C1orf167: variants seen among roughly 807,000 people sequenced by gnomAD.
C1orf167 encodes chromosome 1 open reading frame 167.
Under a neutral mutation model 176.5 loss-of-function variants are expected in C1orf167, and 153 were observed. That is an observed-to-expected ratio of 0.87 (90% CI 0.76 to 0.99). The LOEUF (loss-of-function observed/expected upper bound fraction) is 0.99. Among genes scored for constraint, C1orf167 ranks in the 50% least tolerant of loss-of-function variants. The pLI, the probability that C1orf167 is intolerant of heterozygous loss-of-function variation, is 0.00. For missense variants in C1orf167, 1,490 were observed against 1,817.7 expected, an observed-to-expected ratio of 0.82 and a Z score of 3.28; for synonymous variants, 594 against 752.7, an observed-to-expected ratio of 0.79 and a Z score of 3.45.
At chr1:11,765,292 T>A (rs1642735092) in intron 2 of C1orf167, among the ~76,000 whole-genome samples, 1 of 151,934 alleles carries the variant, frequency 6.6e-6, no homozygotes, top group South Asian at 2.1e-4. Context: ...CGGTACCTCA[T>A]CCATCCCCAC....
At chr1:11,775,336 GC>G (rs1231966277) in intron 8 of C1orf167, 98 bp from the exon 9 acceptor site, 1 of 934,242 alleles carries the variant, frequency 1.1e-6, no homozygotes, top group Non-Finnish European at 1.4e-6. Context: ...GAAGTGGCTT[GC>G]CCAAGGCCTG....
In C1orf167 at chr1:11,768,608, C is replaced by T. The variant is rs1642912567; in HGVS notation, c.1542+333C>T. Among the ~76,000 whole-genome samples the T allele has an allele frequency of 6.6e-6, 1 of 152,158 alleles. No individual in the cohort carries two copies. Among genetic ancestry groups the T allele is most frequent in the Admixed American group, 6.5e-5 (1 of 15,274 alleles). On this transcript the variant is annotated intron_variant, in intron 5 of 20. Coordinates refer to ENST00000688073, the MANE Select transcript of C1orf167 (RefSeq NM_001010881.2). The surrounding 1 kb of genome is among the most constrained non-coding windows in gnomAD (Gnocchi z 4.5). The stretch of plus-strand genomic sequence containing the variant: ...GATTAAATTAATAAGGGACTCAGAA[C>T]TCTGCCTAGCATATAGCAAGCTAGT...
At position 11,767,061 on chromosome 1, in the gene C1orf167, A is replaced by G. The variant is rs1251483621; in HGVS notation, c.1275A>G (p.Thr425=). ...GGACAGCTTTCCATCTGTCAGACAC[A>G]GTCCCAGCGAGCAGTGCGTCGAAGG... ...EERTAFHLSD[T]VPASSASKNK... Residue 425 remains threonine (T), a synonymous_variant, in exon 3 of 21, where the codon ACA becomes ACG. Transcript: ENST00000688073. The G allele has an allele frequency of 1.5e-5, 19 of 1,229,316 alleles. No individual in the cohort carries two copies. Among genetic ancestry groups the G allele is most frequent in the Non-Finnish European group, 1.9e-5 (18 of 957,142 alleles). 76.2% of individuals were successfully genotyped at this position (1,229,316 alleles called of 1,614,324 possible).
rs1643957214 is a variant in C1orf167 at position 11,788,289 on chromosome 1, C to T, written c.3989C>T (p.Ala1330Val). The T allele has an allele frequency of 7.7e-7, 1 of 1,303,700 alleles. No homozygotes were observed. The allele number at this position is 1,303,700 out of a possible 1,614,324, so 80.8% of individuals were successfully genotyped here. Residue 1330 changes from alanine to valine, a missense_variant, in exon 19 of 21, where the codon GCT becomes GTT. Coordinates refer to ENST00000688073, the MANE Select transcript of C1orf167 (RefSeq NM_001010881.2). ...GTGCCTCGAGGCACTGCTTCACGGG[C>T]TGCGGGGTTCCCAGCAGGCCAGGTG... ...APVPRGTASR[A>V]AGFPAGQVPG...
At chr1:11,787,624 A>C in intron 17 of C1orf167, 131 bp downstream of exon 17, 1 of 804,358 alleles carries the variant, frequency 1.2e-6, no homozygotes, top group Non-Finnish European at 1.7e-6. Flanking sequence ...CTCCCCATCC[A>C]TTCCCTCTTC....
intron 8 of C1orf167, among the ~76,000 whole-genome samples, chr1:11,772,986 C>G (rs1264359266): frequency 4.0e-5 from 6 of 150,136 alleles, no homozygotes; most frequent in Non-Finnish European, 7.4e-5. Context: ...GCAACCTCCA[C>G]CTCCTGGGCT....
chr1:11,765,432 C>T (rs1241448440), intron 2 of C1orf167, among the ~76,000 whole-genome samples: 6 of 152,142 alleles, frequency 3.9e-5, no homozygotes, highest in Admixed American at 3.9e-4. Context: ...GCCCACTGCC[C>T]CCACCACCTC....
At chr1:11,780,710 C>CAG (rs1043643935) in intron 13 of C1orf167, among the ~76,000 whole-genome samples, 7 of 152,244 alleles carry the variant, frequency 4.6e-5, no homozygotes, top group Admixed American at 1.3e-4. Context: ...GAGAAGTGGG[C>CAG]AGAGTCATGG....
chr1:11,773,601 G>A (rs536193801), intron 8 of C1orf167, among the ~76,000 whole-genome samples: 9 of 152,118 alleles, frequency 5.9e-5, no homozygotes, highest in African/African-American at 1.9e-4. Context: ...CCAGCTACTC[G>A]GGAAGCTGAG....
chr1:11,775,705 G>A, intron 9 of C1orf167, 95 bp downstream of exon 9: 1 of 1,227,624 alleles, frequency 8.1e-7, no homozygotes, highest in Non-Finnish European at 1.1e-6. Context: ...TGTGGGAGGT[G>A]ATAGAACTGG....
exon 21 of C1orf167, chr1:11,789,580 GTCCTAGCTGCTGCTTTCAGTCTC>G (rs996629722): frequency 1.8e-5 from 15 of 818,790 alleles, no homozygotes; most frequent in African/African-American, 2.2e-4. Context: ...CCACTCCTCA[GTCCTAGCTGCTGCTTTCAGTCTC>G]TCCTAGCGGC....
chr1:11,762,431 G>C (rs1642553873), intron 1 of C1orf167, among the ~76,000 whole-genome samples, 126 bp downstream of exon 1: 1 of 152,190 alleles, frequency 6.6e-6, no homozygotes, highest in Non-Finnish European at 1.5e-5. Context: ...GTCTGAGGGA[G>C]ACGGACGAGG....
rs538119129 is a variant in C1orf167 at position 11,766,133 on chromosome 1, G to A, written c.347G>A (p.Arg116Gln). The change falls in exon 3 of 21, where the codon CGA (arginine) becomes CAA (glutamine). Residue 116 changes from arginine (R) to glutamine (Q), a missense_variant. Coordinates refer to ENST00000688073, the MANE Select transcript of C1orf167 (RefSeq NM_001010881.2). The surrounding 1 kb of genome is among the most constrained non-coding windows in gnomAD (Gnocchi z 4.5). The stretch of plus-strand genomic sequence containing the variant: ...GCCAGGAGGCGCCAAGGGAAGGCCC[G>A]AGAGTTTGCCATCCAGCAGAGCAAC... ...SLARRRQGKAREFAIQQSNLS... is the reference protein window; with the variant it reads ...SLARRRQGKAQEFAIQQSNLS... 8.5e-6 allele frequency: 11 copies of A among 1,289,812 alleles called. No homozygotes were observed. The highest frequency in any genetic ancestry group is 4.5e-5 in the African/African-American group (3 of 65,986). 79.9% of individuals were successfully genotyped at this position (1,289,812 alleles called of 1,614,324 possible). A position where few individuals can be genotyped will look rare whatever the true frequency, so the allele number is the denominator to read the frequency against.
intron 10 of C1orf167, 35 bp from the exon 11 acceptor site, chr1:11,778,625 A>T: frequency 7.9e-7 from 1 of 1,268,998 alleles, no homozygotes; most frequent in Non-Finnish European, 1.0e-6. Context: ...CCTGAGGGTG[A>T]GGCTGGGTGG....
At position 11,775,506 on chromosome 1, in the gene C1orf167, C is replaced by T. The variant is rs1248460056; in HGVS notation, c.2060C>T (p.Thr687Met). The stretch of plus-strand genomic sequence containing the variant: ...CGAGACCACCTGGCTGACCGCCGGA[C>T]GGGGACCCTGAGGAAATGCCTGGAA... ...RYRDHLADRRTGTLRKCLEQW... is the reference protein window; with the variant it reads ...RYRDHLADRRMGTLRKCLEQW... Residue 687 changes from threonine (T) to methionine (M), a missense_variant, in exon 9 of 21, where the codon ACG becomes ATG. Thr to Met is a moderately conservative substitution (Grantham distance 81). Transcript: ENST00000688073. 7.7e-6 allele frequency: 10 copies of T among 1,304,170 alleles called. No homozygotes were observed. Among genetic ancestry groups the T allele is most frequent in the South Asian group, 3.7e-5 (3 of 81,016 alleles). 80.8% of individuals were successfully genotyped at this position (1,304,170 alleles called of 1,614,324 possible).
At chr1:11,781,079 C>A (rs367933409) in intron 13 of C1orf167, among the ~76,000 whole-genome samples, 1 of 147,532 alleles carries the variant, frequency 6.8e-6, no homozygotes, top group African/African-American at 2.5e-5. Flanking sequence ...CTCACTGCAA[C>A]CTCCACCCCC....
At chr1:11,778,445 G>A in intron 10 of C1orf167, 1 of 296,284 alleles carries the variant, frequency 3.4e-6, no homozygotes, top group South Asian at 3.1e-5. Context: ...GTGGGACCCT[G>A]GTGGGCATCG....
At chr1:11,767,304 G>C (rs1360552863) in intron 4 of C1orf167, 40 bp downstream of exon 4, 9 of 1,272,068 alleles carry the variant, frequency 7.1e-6, no homozygotes, top group Non-Finnish European at 9.3e-6. Context: ...TTGGAGTTGG[G>C]GGACACGTGC....
Position 11,776,540 on chromosome 1 carries a change from G to A in C1orf167, c.2241G>A (p.Glu747=). The A allele has an allele frequency of 7.7e-7, 1 of 1,290,884 alleles. No homozygotes were observed. The highest frequency in any genetic ancestry group is 1.5e-5 in the African/African-American group (1 of 65,220). 80.0% of individuals were successfully genotyped at this position (1,290,884 alleles called of 1,614,324 possible). A position where few individuals can be genotyped will look rare whatever the true frequency, so the allele number is the denominator to read the frequency against. ...TGGGCCAGGCCCAGGGGCAGCAGGA[G>A]CAAGGCCGGGGCTCCCTGCAGGATG... ...GAVGQAQGQQ[E]QGRGSLQDAC... is the part of the protein sequence containing the mutation. Residue 747 remains glutamate, a synonymous_variant, in exon 10 of 21, where the codon GAG becomes GAA. Coordinates refer to ENST00000688073, the MANE Select transcript of C1orf167 (RefSeq NM_001010881.2).
Sources: gnomAD v4.1 joint callset for allele counts (sites outside exome capture counted in the v4.1 genomes callset) on GRCh38, gnomAD v4.1.1 for gene constraint, Gnocchi (gnomAD v3.1) non-coding constraint, MANE v1.5 for transcripts, NCBI Gene and HGNC (gene_info 2026-07-23, HGNC 2026-07-21) for gene names.